NUP155: variants seen among roughly 807,000 people sequenced by gnomAD.
NUP155 encodes the protein nuclear pore complex protein Nup155.
Under a neutral mutation model 180.4 loss-of-function variants are expected in NUP155, and 71 were observed. The observed-to-expected ratio is 0.39, with a 90% CI of 0.33 to 0.48. NUP155 has a LOEUF of 0.48. NUP155 is among the 20% of genes least tolerant of loss of function. The pLI, the probability that NUP155 is intolerant of heterozygous loss-of-function variation, is 0.91. For missense variants in NUP155, 1,553 were observed against 1,648.9 expected (o/e 0.94, Z 1.01); for synonymous variants, 582 against 559.5 (o/e 1.04, Z -0.57).
intron 7 of NUP155, 68 bp downstream of exon 7, chr5:37,350,092 A>G: frequency 9.5e-7 from 1 of 1,052,638 alleles, no homozygotes; most frequent in East Asian, 2.4e-5. Flanking sequence ...TAATTTCTGA[A>G]GAAAACGTTG....
Position 37,324,191 on chromosome 5 carries a change from GTA to G in NUP155, c.2092-86_2092-85del, listed in dbSNP as rs1447868107. The G allele has an allele frequency of 6.1e-6, 5 of 813,304 alleles. No individual in the cohort carries two copies. In the East Asian group the frequency reaches 1.3e-4, roughly 22 times the overall value. 50.4% of individuals were successfully genotyped at this position (813,304 alleles called of 1,614,324 possible). A position where few individuals can be genotyped will look rare whatever the true frequency, so the allele number is the denominator to read the frequency against. The stretch of plus-strand genomic sequence containing the variant: ...ATAAACAATTTTAATTTTGAAATGA[GTA>G]TCTCTATAGTTATTTCTTGTATCAA... On this transcript the variant is annotated intron_variant, in intron 19 of 34. Coordinates refer to ENST00000231498, the MANE Select transcript of NUP155 (RefSeq NM_153485.3).
intron 9 of NUP155, among the ~76,000 whole-genome samples, chr5:37,346,278 A>G (rs1372960721): frequency 1.4e-5 from 2 of 140,480 alleles, no homozygotes; most frequent in African/African-American, 3.0e-5. Flanking sequence ...ACCCTGTCTG[A>G]AAAAAAAAAC....
chr5:37,293,455 A>G (rs1028926957), intron 33 of NUP155, among the ~76,000 whole-genome samples: 4 of 152,192 alleles, frequency 2.6e-5, no homozygotes, highest in African/African-American at 9.6e-5. Flanking sequence ...TTTTTGCAAT[A>G]TAAGATGGAG....
At chr5:37,304,582 C>G (rs992974230) in intron 27 of NUP155, among the ~76,000 whole-genome samples, 157 bp downstream of exon 27, 1 of 152,066 alleles carries the variant, frequency 6.6e-6, no homozygotes, top group Non-Finnish European at 1.5e-5. Context: ...CCTACTTTGC[C>G]CCTTAGGAAA....
intron 12 of NUP155, among the ~76,000 whole-genome samples, chr5:37,335,394 A>G (rs1745262976): frequency 6.6e-6 from 1 of 151,750 alleles, no homozygotes; most frequent in Admixed American, 6.6e-5. Context: ...AAAAAAAAAA[A>G]AAAGTATTTT....
At chr5:37,348,107 C>A (rs1746219890) in intron 9 of NUP155, among the ~76,000 whole-genome samples, 1 of 152,070 alleles carries the variant, frequency 6.6e-6, no homozygotes. Context: ...GCACTCCCGC[C>A]TGGGCAACAA....
intron 34 of NUP155, among the ~76,000 whole-genome samples, 159 bp from the exon 35 acceptor site, chr5:37,292,197 T>C (rs1213585440): frequency 6.6e-6 from 1 of 151,872 alleles, no homozygotes; most frequent in Non-Finnish European, 1.5e-5. Flanking sequence ...AACTTGGGTG[T>C]AGGTGGGTTC....
chr5:37,338,080 G>A (rs1007282434), intron 11 of NUP155, among the ~76,000 whole-genome samples, 162 bp from the exon 12 acceptor site: 2 of 151,992 alleles, frequency 1.3e-5, no homozygotes, highest in African/African-American at 4.8e-5. Flanking sequence ...CAGCACTTTT[G>A]GAGGATGAGG....
At chr5:37,294,487 G>A (rs558820099) in intron 32 of NUP155, 22 bp from the exon 33 acceptor site, 57 of 1,609,716 alleles carry the variant, frequency 3.5e-5, no homozygotes, top group South Asian at 4.4e-5. Context: ...AAAAAAGATC[G>A]GAAATTTGGA....
At chr5:37,293,023 T>G (rs779182467) in intron 33 of NUP155, 38 bp from the exon 34 acceptor site, 2 of 1,285,646 alleles carry the variant, frequency 1.6e-6, no homozygotes, top group African/African-American at 1.5e-5. Context: ...TGAGGCAAAT[T>G]GTGTCAATTG....
intron 11 of NUP155, among the ~76,000 whole-genome samples, chr5:37,338,595 C>T (rs982330491): frequency 2.6e-5 from 4 of 151,802 alleles, no homozygotes; most frequent in African/African-American, 4.8e-5. Flanking sequence ...TTAGTAGAGA[C>T]GAGGTTTCAC....
intron 24 of NUP155, among the ~76,000 whole-genome samples, chr5:37,308,428 G>A (rs2150947078): frequency 6.6e-6 from 1 of 152,206 alleles, no homozygotes; most frequent in African/African-American, 2.4e-5. Flanking sequence ...GCCGGGCGCG[G>A]TGGCTCACAC....
In NUP155 at chr5:37,363,869, A is replaced by G. The variant is rs749218542; in HGVS notation, c.392+19T>C. On this transcript the variant is annotated intron_variant, in intron 3 of 34. Coordinates refer to ENST00000231498, the MANE Select transcript of NUP155 (RefSeq NM_153485.3). ...TAAATTCCAATCACCCTTAAAGCAA[A>G]CCAGCCTTAAATACATACCCATCCT... is the stretch of plus-strand genomic sequence containing the variant. The G allele has an allele frequency of 6.5e-7, 1 of 1,527,898 alleles. No individual in the cohort carries two copies. The highest frequency in any genetic ancestry group is 1.4e-5 in the African/African-American group (1 of 73,320). The allele number at this position is 1,527,898 out of a possible 1,614,324, so 94.6% of individuals were successfully genotyped here. A position where few individuals can be genotyped will look rare whatever the true frequency, so the allele number is the denominator to read the frequency against.
intron 3 of NUP155, among the ~76,000 whole-genome samples, chr5:37,359,133 T>A (rs1264922430): frequency 1.3e-5 from 2 of 149,594 alleles, no homozygotes; most frequent in African/African-American, 5.0e-5. Context: ...TTGGTCTTTA[T>A]GAAAAATTTA....
At chr5:37,299,419 T>G in intron 31 of NUP155, 29 bp downstream of exon 31, 1 of 1,613,662 alleles carries the variant, frequency 6.2e-7, no homozygotes, top group Non-Finnish European at 8.5e-7. Context: ...ACATAACGTA[T>G]GCTAACATAC....
At chr5:37,322,572 T>C (rs1044128235) in intron 20 of NUP155, among the ~76,000 whole-genome samples, 1 of 151,998 alleles carries the variant, frequency 6.6e-6, no homozygotes, top group Non-Finnish European at 1.5e-5. Context: ...CTGGGTGTGG[T>C]GGCAAGCGCC....
intron 21 of NUP155, among the ~76,000 whole-genome samples, chr5:37,317,117 C>T (rs1305763084): frequency 6.6e-6 from 1 of 151,228 alleles, no homozygotes; most frequent in South Asian, 2.1e-4. Context: ...TGCAGTGAGC[C>T]GAGATCATGC....
At chr5:37,293,515 C>T (rs1467659215) in intron 33 of NUP155, among the ~76,000 whole-genome samples, 1 of 152,188 alleles carries the variant, frequency 6.6e-6, no homozygotes, top group African/African-American at 2.4e-5. Context: ...TTGTAAAGCA[C>T]TGTGTGATGC....
In NUP155 at chr5:37,292,899, G is replaced by A; in HGVS notation, c.4017C>T (p.Ser1339=). 1.9e-6 allele frequency: 3 copies of A among 1,608,270 alleles called. No homozygotes were observed. The highest frequency in any genetic ancestry group is 2.6e-6 in the Non-Finnish European group (3 of 1,175,332). ...AGTACCTTTCACAATTTAAAACTTG[G>A]CTGGGATTCTCAACATATCTTATCA... ...VLLIRYVENP[S]QVLNCERRRF... is the part of the protein sequence containing the mutation. Residue 1339 remains serine, a synonymous_variant, in exon 34 of 35, where the codon AGC becomes AGT. Transcript: ENST00000231498.
Sources: gnomAD v4.1 joint callset for allele counts (sites outside exome capture counted in the v4.1 genomes callset) on GRCh38, gnomAD v4.1.1 for gene constraint, MANE v1.5 for transcripts, NCBI Gene and HGNC (gene_info 2026-07-23, HGNC 2026-07-21) for gene names.